APBA1: variants seen among roughly 807,000 people sequenced by gnomAD.
The protein encoded by APBA1 is amyloid beta precursor protein binding family A member 1.
Under a neutral mutation model 86.6 loss-of-function variants are expected in APBA1, and 55 were observed. The ratio of observed to expected loss-of-function variants is 0.64; its 90% CI spans 0.51 to 0.80. The LOEUF (loss-of-function observed/expected upper bound fraction) is 0.80. APBA1 is among the 30% of genes least tolerant of loss of function. The pLI, the probability that APBA1 is intolerant of heterozygous loss-of-function variation, is 0.00. For missense variants in APBA1, 1,090 were observed against 1,183.0 expected (o/e 0.92, Z 1.15); for synonymous variants, 511 against 493.9 (o/e 1.03, Z -0.46).
chr9:69,558,273 G>A (rs1836892882), intron 1 of APBA1, among the ~76,000 whole-genome samples: 1 of 151,976 alleles, frequency 6.6e-6, no homozygotes, highest in Admixed American at 6.6e-5. Flanking sequence ...ATAGCATGGA[G>A]GAATCTCCAT....
At position 69,516,858 on chromosome 9, in the gene APBA1, T is replaced by C; in HGVS notation, c.353A>G (p.Tyr118Cys). 6.2e-7 allele frequency: 1 copy of C among 1,600,022 alleles called. No individual in the cohort carries two copies. Among genetic ancestry groups the C allele is most frequent in the Non-Finnish European group, 8.5e-7 (1 of 1,177,744 alleles). The change falls in exon 2 of 13, where the codon TAT (tyrosine) becomes TGT (cysteine). Residue 118 changes from tyrosine to cysteine, a missense_variant. Around this residue, in one of 6 missense-constraint regions of APBA1, gnomAD observed 678 missense variants for 647.1 expected, o/e 1.05. Coordinates refer to ENST00000265381, the MANE Select transcript of APBA1 (RefSeq NM_001163.4). The surrounding 1 kb of genome is among the most constrained non-coding windows in gnomAD (Gnocchi z 7.3). ...RAQDPEDESAYAVQYRPEAEE... is the reference protein window; with the variant it reads ...RAQDPEDESACAVQYRPEAEE... ...GGCCTCGGGCCGGTACTGCACAGCA[T>C]AGGCGCTCTCGTCCTCGGGGTCCTG...
At chr9:69,631,118 G>A (rs1823032495) in intron 1 of APBA1, among the ~76,000 whole-genome samples, 2 of 152,208 alleles carry the variant, frequency 1.3e-5, no homozygotes, top group African/African-American at 4.8e-5. Flanking sequence ...CTTGGTAGAT[G>A]CTACTCTGCT....
chr9:69,576,052 T>C (rs1317921899), intron 1 of APBA1, among the ~76,000 whole-genome samples: 1 of 152,152 alleles, frequency 6.6e-6, no homozygotes, highest in Non-Finnish European at 1.5e-5. Context: ...GTGAAGGATA[T>C]GAACAGACAC....
chr9:69,653,975 C>T (rs10867853), intron 1 of APBA1, among the ~76,000 whole-genome samples: 95,683 of 151,856 alleles, frequency 0.63, 33,664 homozygotes, highest in East Asian at 0.97. Flanking sequence ...TGTAGCCGGG[C>T]GCATGCCTGC....
chr9:69,672,095 C>T (rs1398961581), intron 1 of APBA1, 58 bp downstream of exon 1: 1 of 153,092 alleles, frequency 6.5e-6, no homozygotes, highest in Admixed American at 6.5e-5. Flanking sequence ...CGGGCTCCGT[C>T]GGGGGCCGCA....
intron 1 of APBA1, among the ~76,000 whole-genome samples, chr9:69,587,159 A>G (rs1039379077): frequency 1.3e-5 from 2 of 152,074 alleles, no homozygotes; most frequent in Non-Finnish European, 2.9e-5. Context: ...CCCAGTCTCA[A>G]CTCACTATGG....
In APBA1 at chr9:69,442,838, A is replaced by G. The variant is rs909042367; in HGVS notation, c.2182-1723T>C. 2.6e-5 allele frequency among the ~76,000 whole-genome samples: 4 copies of G among 152,352 alleles called. 1 individual carries two copies. Among genetic ancestry groups the G allele is most frequent in the South Asian group, 4.1e-4 (2 of 4,828 alleles). The stretch of plus-strand genomic sequence containing the variant: ...CATTTCACATTTTAAAGATGAAGAC[A>G]TAGACACAGATTGCTTTGTCCAAGG... On this transcript the variant is annotated intron_variant, in intron 10 of 12. Coordinates refer to ENST00000265381, the MANE Select transcript of APBA1 (RefSeq NM_001163.4).
At chr9:69,598,078 T>C (rs1156887963) in intron 1 of APBA1, among the ~76,000 whole-genome samples, 3 of 151,688 alleles carry the variant, frequency 2.0e-5, no homozygotes, top group Non-Finnish European at 2.9e-5. Flanking sequence ...ATGTGGCACA[T>C]ATACACCATG....
At chr9:69,451,419 A>C (rs930875545) in intron 9 of APBA1, among the ~76,000 whole-genome samples, 8 of 152,226 alleles carry the variant, frequency 5.3e-5, no homozygotes, top group Admixed American at 1.3e-4. Flanking sequence ...TATGGGATCA[A>C]GTCCAAACCC....
At chr9:69,437,011 C>G (rs978289783) in intron 11 of APBA1, among the ~76,000 whole-genome samples, 1 of 152,036 alleles carries the variant, frequency 6.6e-6, no homozygotes, top group Non-Finnish European at 1.5e-5. Context: ...TGTCAAAGGC[C>G]TTTTCTGCAT....
At chr9:69,445,447 G>T (rs1834891520) in intron 10 of APBA1, among the ~76,000 whole-genome samples, 1 of 152,118 alleles carries the variant, frequency 6.6e-6, no homozygotes, top group Admixed American at 6.5e-5. Context: ...GACAACAGTG[G>T]AACGGTACAG....
chr9:69,651,179 G>T (rs935929344), intron 1 of APBA1, among the ~76,000 whole-genome samples: 1 of 152,128 alleles, frequency 6.6e-6, no homozygotes, highest in Admixed American at 6.6e-5. Context: ...ATGTATATAT[G>T]GTTCTCTTTA....
chr9:69,554,072 C>G (rs557418694), intron 1 of APBA1, among the ~76,000 whole-genome samples: 2 of 152,230 alleles, frequency 1.3e-5, no homozygotes, highest in East Asian at 3.9e-4. Flanking sequence ...AACTAAGCCC[C>G]TAGTATATCA....
chr9:69,483,119 TA>T (rs545239952), intron 2 of APBA1, among the ~76,000 whole-genome samples: 567 of 31,780 alleles, frequency 0.018, 4 homozygotes, highest in East Asian at 0.076. Flanking sequence ...TAAAGTATAA[TA>T]AAAAAAAAAT....
chr9:69,481,893 A>G (rs1170602973), intron 2 of APBA1, among the ~76,000 whole-genome samples: 1,776 of 151,542 alleles, frequency 0.012, 51 homozygotes, highest in African/African-American at 0.041. Flanking sequence ...TTTAATAAAT[A>G]GTGCTGGGAA....
intron 2 of APBA1, among the ~76,000 whole-genome samples, chr9:69,511,528 A>T (rs1307479104): frequency 6.6e-6 from 1 of 151,938 alleles, no homozygotes; most frequent in African/African-American, 2.4e-5. Flanking sequence ...TTCCTCAGGG[A>T]TCTAGAACTA....
At chr9:69,496,201 G>C (rs1487216918) in intron 2 of APBA1, among the ~76,000 whole-genome samples, 1 of 152,106 alleles carries the variant, frequency 6.6e-6, no homozygotes, top group Non-Finnish European at 1.5e-5. Context: ...CCTCTGCAGA[G>C]AGACGCCCCC....
chr9:69,627,134 C>T (rs992573093), intron 1 of APBA1, among the ~76,000 whole-genome samples: 1 of 152,062 alleles, frequency 6.6e-6, no homozygotes, highest in Non-Finnish European at 1.5e-5. Flanking sequence ...TAAACAGAAA[C>T]ATGCTACATA....
intron 2 of APBA1, among the ~76,000 whole-genome samples, chr9:69,498,126 T>A (rs973022381): frequency 6.6e-6 from 1 of 152,048 alleles, no homozygotes; most frequent in African/African-American, 2.4e-5. Flanking sequence ...GCAAAGGTGA[T>A]AGGATATCAC....
Sources: gnomAD v4.1 joint callset for allele counts (sites outside exome capture counted in the v4.1 genomes callset) on GRCh38, gnomAD v4.1.1 for gene constraint, gnomAD v4.1.1 regional missense constraint, Gnocchi (gnomAD v3.1) non-coding constraint, MANE v1.5 for transcripts, NCBI Gene and HGNC (gene_info 2026-07-23, HGNC 2026-07-21) for gene names.